PRTG: variants seen among roughly 807,000 people sequenced by gnomAD.
PRTG encodes the protein immunoglobulin superfamily, DCC subclass, member 5.
Under a neutral mutation model 122.5 loss-of-function variants are expected in PRTG, and 67 were observed. The ratio of observed to expected loss-of-function variants is 0.55; its 90% confidence interval spans 0.45 to 0.67. The LOEUF is 0.67. PRTG is among the 30% of genes least tolerant of loss of function. The pLI is 0.00. For synonymous variants in PRTG, 554 were observed against 501.1 expected (o/e 1.11, Z -1.41); for missense variants, 1,435 against 1,415.4 (o/e 1.01, Z -0.22).
chr15:55,674,409 A>G (rs1399358569), intron 9 of PRTG, among the ~76,000 whole-genome samples: 2 of 152,176 alleles, frequency 1.3e-5, no homozygotes, highest in African/African-American at 4.8e-5. Context: ...CACTTTCTTC[A>G]AGGATATAGA....
chr15:55,669,651 G>A (rs2059457405), intron 11 of PRTG, among the ~76,000 whole-genome samples: 4 of 152,184 alleles, frequency 2.6e-5, no homozygotes, highest in Admixed American at 2.6e-4. Context: ...GGGGTCTCAA[G>A]ATTAAAAGGC....
chr15:55,721,475 A>G (rs1369506390), intron 2 of PRTG, among the ~76,000 whole-genome samples: 1 of 152,212 alleles, frequency 6.6e-6, no homozygotes, highest in Non-Finnish European at 1.5e-5. Context: ...CATTTCTTTG[A>G]AATTTATTCT....
At chr15:55,729,539 G>A (rs1459127169) in intron 2 of PRTG, among the ~76,000 whole-genome samples, 6 of 151,986 alleles carry the variant, frequency 3.9e-5, no homozygotes, top group Non-Finnish European at 5.9e-5. Context: ...GACTGAGGCA[G>A]GAGGACTGGA....
chr15:55,708,556 C>T (rs1169577722), intron 2 of PRTG, among the ~76,000 whole-genome samples: 4 of 151,574 alleles, frequency 2.6e-5, no homozygotes, highest in Non-Finnish European at 4.4e-5. Context: ...TGCAGCAAGC[C>T]GAGATCACAC....
chr15:55,629,963 A>T (rs2059218118), intron 15 of PRTG, among the ~76,000 whole-genome samples: 1 of 144,760 alleles, frequency 6.9e-6, no homozygotes. Context: ...GACTACAGGC[A>T]CCCACCACCA....
At chr15:55,663,073 C>T (rs116447819) in intron 11 of PRTG, among the ~76,000 whole-genome samples, 2,429 of 152,268 alleles carry the variant, frequency 0.016, 81 homozygotes, top group African/African-American at 0.056. Flanking sequence ...GTAAAAGTAC[C>T]ATCCCTTAGA....
At chr15:55,716,215 A>G (rs575619213) in intron 2 of PRTG, among the ~76,000 whole-genome samples, 159 of 152,262 alleles carry the variant, frequency 1.0e-3, no homozygotes, top group Non-Finnish European at 1.5e-3. Context: ...CCTGGGTGAC[A>G]GTGAAACTCT....
intron 11 of PRTG, among the ~76,000 whole-genome samples, chr15:55,659,658 G>T (rs1004944976): frequency 6.6e-6 from 1 of 152,158 alleles, no homozygotes; most frequent in African/African-American, 2.4e-5. Context: ...GGGCGCAGTG[G>T]TTCACGCCTG....
At chr15:55,692,834 TC>T (rs1275101897) in intron 2 of PRTG, among the ~76,000 whole-genome samples, 3 of 101,892 alleles carry the variant, frequency 2.9e-5, no homozygotes, top group Non-Finnish European at 4.4e-5. Context: ...TAATGCAATC[TC>T]TTTTTTTTTT....
intron 2 of PRTG, among the ~76,000 whole-genome samples, chr15:55,738,025 T>TATATAC (rs1464247830): frequency 9.4e-5 from 9 of 95,686 alleles, no homozygotes; most frequent in East Asian, 5.8e-4. Context: ...TATATATATA[T>TATATAC]ACACACACAC....
intron 2 of PRTG, among the ~76,000 whole-genome samples, chr15:55,726,187 C>T (rs150923499): frequency 4.8e-3 from 723 of 152,190 alleles, no homozygotes; most frequent in African/African-American, 0.016. Flanking sequence ...GTAATCCAAC[C>T]GCCCAGCCTC....
chr15:55,629,984 ATTT>A (rs1169581862), intron 15 of PRTG, among the ~76,000 whole-genome samples: 3 of 125,258 alleles, frequency 2.4e-5, no homozygotes, highest in East Asian at 2.3e-4. Context: ...CACCAGGTTA[ATTT>A]TTTTTTTTTT....
chr15:55,645,383 G>A (rs1377799148), intron 11 of PRTG, among the ~76,000 whole-genome samples: 6 of 117,540 alleles, frequency 5.1e-5, no homozygotes, highest in African/African-American at 1.5e-4. Flanking sequence ...GCAGTGAGTC[G>A]AGATCGCGCC....
At chr15:55,736,570 T>TA (rs1486732530) in intron 2 of PRTG, among the ~76,000 whole-genome samples, 8 of 152,064 alleles carry the variant, frequency 5.3e-5, no homozygotes, top group Non-Finnish European at 8.8e-5. Context: ...TTTTTATTAA[T>TA]AAAAAACCTA....
At chr15:55,710,493 G>T (rs1219173226) in intron 2 of PRTG, among the ~76,000 whole-genome samples, 1 of 152,116 alleles carries the variant, frequency 6.6e-6, no homozygotes, top group African/African-American at 2.4e-5. Context: ...TCAGTTTATG[G>T]CTTTCTCTTA....
chr15:55,705,688 G>A (rs912133771), intron 2 of PRTG, among the ~76,000 whole-genome samples: 1 of 151,798 alleles, frequency 6.6e-6, no homozygotes, highest in Non-Finnish European at 1.5e-5. Flanking sequence ...TGATCCTCCC[G>A]CTTCAGCCTC....
At chr15:55,718,747 T>C (rs1329562707) in intron 2 of PRTG, among the ~76,000 whole-genome samples, 1 of 152,144 alleles carries the variant, frequency 6.6e-6, no homozygotes, top group Non-Finnish European at 1.5e-5. Context: ...CAAATTACTT[T>C]TCTTTTTTTT....
At position 55,675,663 on chromosome 15, in the gene PRTG, G is replaced by C. The variant is rs1284617285; in HGVS notation, c.1402C>G (p.Gln468Glu). ...KAEGLNNEEY[Q>E]VVIGNDTTHY... ...GTTGTGTCATTTCCGATGACTACTT[G>C]ATACTCTTCATTATTTAAACCTAAA... The change falls in exon 9 of 20, where the codon CAA becomes GAA. Residue 468 changes from glutamine (Q) to glutamate (E), a missense_variant. Gln to Glu is a conservative substitution (Grantham distance 29). Coordinates refer to ENST00000389286, the MANE Select transcript of PRTG (RefSeq NM_173814.6). 1.3e-6 allele frequency: 2 copies of C among 1,572,662 alleles called. No individual in the cohort carries two copies. Among genetic ancestry groups the C allele is most frequent in the East Asian group, 2.2e-5 (1 of 44,666 alleles).
intron 16 of PRTG, 84 bp downstream of exon 16, chr15:55,628,738 G>A: frequency 9.4e-7 from 1 of 1,066,522 alleles, no homozygotes; most frequent in Non-Finnish European, 1.3e-6. Flanking sequence ...TAGGGATACA[G>A]CAATTGTAGG....
Sources: allele counts gnomAD v4.1 joint callset (sites outside exome capture counted in the v4.1 genomes callset), GRCh38; gene constraint gnomAD v4.1.1; transcripts MANE v1.5; gene names NCBI Gene and HGNC (gene_info 2026-07-23, HGNC 2026-07-21).